The following PLXNA2 variants were observed in gnomAD, a reference collection of about 807,000 sequenced individuals.
PLXNA2 encodes the protein plexin A2, also known as plexin-A2.
In PLXNA2, 91 loss-of-function variants were observed where a neutral mutation model predicts 193.5. The observed-to-expected ratio is 0.47, with a 90% confidence interval of 0.40 to 0.56. PLXNA2 has a LOEUF of 0.56. Ranked by LOEUF, PLXNA2 falls within the 20% of genes least tolerant of loss-of-function variation. PLXNA2 has a pLI of 0.00. For synonymous variants in PLXNA2, 997 were observed against 1,027.3 expected (o/e 0.97, Z 0.56); for missense variants, 1,995 against 2,503.2 (o/e 0.80, Z 4.33).
intron 1 of PLXNA2, among the ~76,000 whole-genome samples, chr1:208,218,732 G>A (rs1277659598): frequency 2.0e-5 from 3 of 152,196 alleles, no homozygotes; most frequent in East Asian, 1.9e-4. Flanking sequence ...GTGCCATTCC[G>A]GAGCCGGAAA....
intron 3 of PLXNA2, among the ~76,000 whole-genome samples, chr1:208,192,907 A>G (rs1375820814): frequency 6.6e-6 from 1 of 151,960 alleles, no homozygotes; most frequent in African/African-American, 2.4e-5. Flanking sequence ...AGAAAAAGAA[A>G]AAAAAAAAAA....
Position 208,034,481 on chromosome 1 carries a change from C to T in PLXNA2, c.4864+12G>A, listed in dbSNP as rs752577003. 2.2e-5 allele frequency: 35 copies of T among 1,573,266 alleles called. No individual in the cohort carries two copies. The East Asian group carries it at 2.5e-4, about 11-fold the overall frequency. ...TGCTCTGAGCTGCCCAGTCTGCCCTCGTGGTTCTCACCGTATCTGCTGATG... is the reference window on the plus strand; with the variant it reads ...TGCTCTGAGCTGCCCAGTCTGCCCTTGTGGTTCTCACCGTATCTGCTGATG... On this transcript the variant is annotated intron_variant, in intron 27 of 31. Coordinates refer to ENST00000367033, the MANE Select transcript of PLXNA2 (RefSeq NM_025179.4).
At position 208,028,961 on chromosome 1, in the gene PLXNA2, G is replaced by A; in HGVS notation, c.5307C>T (p.Ala1769=). 1 of 1,614,158 alleles carries A rather than the reference G, an allele frequency of 6.2e-7. No individual in the cohort carries two copies. Among genetic ancestry groups the A allele is most frequent in the South Asian group, 1.1e-5 (1 of 91,066 alleles). The part of the protein sequence containing the change: ...FDIHKGSITD[A]CLSVVAQTFM... ...AGGTCTGGGCCACCACAGAGAGGCA[G>A]GCGTCCGTGATGCTGCCCTTGTGGA... Residue 1769 remains alanine (A), a synonymous_variant, in exon 30 of 32, where the codon GCC becomes GCT. Coordinates refer to ENST00000367033, the MANE Select transcript of PLXNA2 (RefSeq NM_025179.4). The surrounding 1 kb of genome is among the most constrained non-coding windows in gnomAD (Gnocchi z 4.2).
At position 208,051,461 on chromosome 1, in the gene PLXNA2, A is replaced by G. The variant is rs754125885; in HGVS notation, c.2994-38T>C. ...CAGCAGGAGGGTTGAGAAGAAAGGC[A>G]TGGGCAACAAGAGGTGCCCACTGGC... On this transcript the variant is annotated intron_variant, in intron 15 of 31. Coordinates refer to ENST00000367033, the MANE Select transcript of PLXNA2 (RefSeq NM_025179.4). 6 of 1,582,862 alleles carry G rather than the reference A, an allele frequency of 3.8e-6. No homozygotes were observed. In the African/African-American group the frequency reaches 5.4e-5, roughly 14 times the overall value.
At chr1:208,221,831 T>C (rs1206559528) in intron 1 of PLXNA2, among the ~76,000 whole-genome samples, 2 of 152,194 alleles carry the variant, frequency 1.3e-5, no homozygotes, top group African/African-American at 4.8e-5. Flanking sequence ...ATTAAATGCA[T>C]GAGCTCTGAA....
At chr1:208,239,719 G>T (rs1423578039) in intron 1 of PLXNA2, among the ~76,000 whole-genome samples, 1 of 152,220 alleles carries the variant, frequency 6.6e-6, no homozygotes, top group Non-Finnish European at 1.5e-5. Context: ...GAAGCCGGCT[G>T]CTCCCTTCAA....
chr1:208,114,741 G>A (rs547372820), intron 4 of PLXNA2, among the ~76,000 whole-genome samples: 98 of 152,340 alleles, frequency 6.4e-4, no homozygotes, highest in Non-Finnish European at 1.2e-3. Flanking sequence ...GGTATGCTGA[G>A]TGACTGGTTC....
rs12564230 is a variant in PLXNA2 at position 208,223,046 on chromosome 1, G to T, written c.-80-5044C>A. Among the ~76,000 whole-genome samples, 1,116 of 152,272 alleles carry T rather than the reference G, an allele frequency of 7.3e-3. 50 individuals are homozygous for T. Among genetic ancestry groups the T allele is most frequent in the Admixed American group, 0.056 (850 of 15,288 alleles). ...AGGAGCCAGACGGTGGTAGGGAAAA[G>T]ATGAGCATGAAAATGAGGGCTGTGA... On this transcript the variant is annotated intron_variant, in intron 1 of 31. Coordinates refer to ENST00000367033, the MANE Select transcript of PLXNA2 (RefSeq NM_025179.4).
intron 8 of PLXNA2, 44 bp downstream of exon 8, chr1:208,095,985 C>A: frequency 6.9e-7 from 1 of 1,453,916 alleles, no homozygotes; most frequent in African/African-American, 1.4e-5. Context: ...AAGCCCATAC[C>A]CACATCCAGA....
intron 1 of PLXNA2, among the ~76,000 whole-genome samples, chr1:208,237,870 A>C (rs982621113): frequency 6.6e-6 from 1 of 152,130 alleles, no homozygotes; most frequent in Non-Finnish European, 1.5e-5. Flanking sequence ...TGAAGGTAAG[A>C]TCTATTACTT....
chr1:208,048,327 C>T (rs1243598094), intron 17 of PLXNA2, among the ~76,000 whole-genome samples: 1 of 152,232 alleles, frequency 6.6e-6, no homozygotes, highest in African/African-American at 2.4e-5. Flanking sequence ...GGGGCCCAAC[C>T]AGGCAGGGCT....
Position 208,051,064 on chromosome 1 carries a change from T to A in PLXNA2, c.3200A>T (p.Asp1067Val). Reference protein sequence around the residue: ...TPLTITGFNLDVIQEPRIRVK... With the variant: ...TPLTITGFNLVVIQEPRIRVK... ...TCGGATCCTTGGCTCCTGAATGACATCCAGGTTGAAGCCTGTGATGGTCAG... is the reference window on the plus strand; with the variant it reads ...TCGGATCCTTGGCTCCTGAATGACAACCAGGTTGAAGCCTGTGATGGTCAG... Residue 1067 changes from aspartate to valine, a missense_variant, in exon 17 of 32, where the codon GAT (aspartate) becomes GTT (valine). Coordinates refer to ENST00000367033, the MANE Select transcript of PLXNA2 (RefSeq NM_025179.4). 6.2e-7 allele frequency: 1 copy of A among 1,614,188 alleles called. No individual in the cohort carries two copies. Among genetic ancestry groups the A allele is most frequent in the Non-Finnish European group, 8.5e-7 (1 of 1,180,026 alleles).
At chr1:208,209,996 T>TTTTTTTTTTTTG in intron 3 of PLXNA2, 1 of 181,846 alleles carries the variant, frequency 5.5e-6, no homozygotes, top group African/African-American at 2.4e-5. Context: ...TTTTTTTTTT[T>TTTTTTTTTTTTG]TTTTTTTTGC....
chr1:208,058,043 A>G (rs1206432526), intron 13 of PLXNA2, among the ~76,000 whole-genome samples: 1 of 152,190 alleles, frequency 6.6e-6, no homozygotes, highest in Non-Finnish European at 1.5e-5. Context: ...CCTGGAATGC[A>G]ACCCAGTACC....
chr1:208,049,305 G>GT (rs1422643035), intron 17 of PLXNA2, among the ~76,000 whole-genome samples: 402 of 81,850 alleles, frequency 4.9e-3, no homozygotes, highest in African/African-American at 0.015. Flanking sequence ...TAATTTGCTT[G>GT]CTTTTTTTTT....
rs1331902558 is a variant in PLXNA2, at chr1:208,038,316, A to T, written c.4764+55T>A. 4 of 1,233,616 alleles carry T rather than the reference A, an allele frequency of 3.2e-6. No homozygotes were observed. Among genetic ancestry groups the T allele is most frequent in the Non-Finnish European group, 4.8e-6 (4 of 832,698 alleles). 76.4% of individuals were successfully genotyped at this position (1,233,616 alleles called of 1,614,324 possible). ...CTTTTGAGGCCTTAGAGCAAGGCTT[A>T]GCGGGAAGGGAACATTCTGGGAAGC... On this transcript the variant is annotated intron_variant, in intron 26 of 31. Transcript: ENST00000367033. This position sits in a 1 kb window ranked among gnomAD's most constrained non-coding sequence, Gnocchi z 4.1.
At chr1:208,052,302 T>C (rs150500645) in intron 15 of PLXNA2, 25 bp downstream of exon 15, 1 of 1,610,076 alleles carries the variant, frequency 6.2e-7, no homozygotes, top group African/African-American at 1.3e-5. Flanking sequence ...TGCAGTCTTC[T>C]GGTGGCCCTT....
intron 12 of PLXNA2, among the ~76,000 whole-genome samples, chr1:208,062,211 G>A (rs556140721): frequency 1.3e-5 from 2 of 152,282 alleles, no homozygotes; most frequent in African/African-American, 2.4e-5. Context: ...CTGGTGGAGT[G>A]TCCGATGGGG....
At chr1:208,040,081 G>A (rs1664817659) in intron 22 of PLXNA2, 23 bp from the exon 23 acceptor site, 1 of 1,606,692 alleles carries the variant, frequency 6.2e-7, no homozygotes, top group African/African-American at 1.3e-5. Flanking sequence ...CAAAGGGTAA[G>A]GGGCAGTCCT....
Sources: gnomAD v4.1 joint callset for allele counts (sites outside exome capture counted in the v4.1 genomes callset) on GRCh38, gnomAD v4.1.1 for gene constraint, Gnocchi (gnomAD v3.1) non-coding constraint, MANE v1.5 for transcripts, NCBI Gene and HGNC (gene_info 2026-07-23, HGNC 2026-07-21) for gene names.